Variants in CCSER2 observed in about 807,000 individuals in gnomAD.
CCSER2 encodes the protein serine-rich coiled-coil domain-containing protein 2.
Under a neutral mutation model 92.3 loss-of-function variants are expected in CCSER2, and 46 were observed. The observed-to-expected ratio is 0.50, with a 90% CI of 0.39 to 0.64. CCSER2 has a LOEUF of 0.64. Among genes scored for constraint, CCSER2 ranks in the 30% least tolerant of loss-of-function variants. The pLI is 0.00. For synonymous variants in CCSER2, 433 were observed against 431.4 expected, an observed-to-expected ratio of 1.00 and a Z score of -0.04; for missense variants, 1,244 against 1,238.9, an observed-to-expected ratio of 1.00 and a Z score of -0.06.
At chr10:84,344,158 T>C (rs1194209029) in intron 1 of CCSER2, among the ~76,000 whole-genome samples, 5 of 152,224 alleles carry the variant, frequency 3.3e-5, no homozygotes, top group Admixed American at 3.3e-4. Flanking sequence ...AAGAGCCCTT[T>C]AGTCTCTTGA....
chr10:84,455,583 C>CT (rs1845569047), intron 6 of CCSER2: 2 of 494,942 alleles, frequency 4.0e-6, no homozygotes, highest in Non-Finnish European at 7.7e-6. Context: ...GCCTTTTCCA[C>CT]TTTCTTTCTG....
intron 3 of CCSER2, among the ~76,000 whole-genome samples, chr10:84,388,269 T>C (rs1841335790): frequency 6.6e-6 from 1 of 152,236 alleles, no homozygotes; most frequent in African/African-American, 2.4e-5. Context: ...TTAGATTCTA[T>C]TGCTTTGGGT....
intron 2 of CCSER2, among the ~76,000 whole-genome samples, 176 bp downstream of exon 2, chr10:84,372,645 A>G (rs1170164865): frequency 1.3e-5 from 2 of 151,920 alleles, no homozygotes; most frequent in Non-Finnish European, 2.9e-5. Flanking sequence ...TCCATACCCC[A>G]TTTTTCACCC....
intron 7 of CCSER2, among the ~76,000 whole-genome samples, 189 bp downstream of exon 7, chr10:84,464,205 A>T (rs1322158715): frequency 2.6e-5 from 4 of 152,186 alleles, no homozygotes; most frequent in Non-Finnish European, 4.4e-5. Context: ...TCAGTTGGAT[A>T]ATGATCTGTC....
At chr10:84,484,174 C>T (rs1402633978) in intron 9 of CCSER2, among the ~76,000 whole-genome samples, 1 of 151,270 alleles carries the variant, frequency 6.6e-6, no homozygotes, top group African/African-American at 2.4e-5. Flanking sequence ...GACGGGGTTT[C>T]ACCGCGTTAG....
At chr10:84,420,406 C>T (rs979073402) in intron 4 of CCSER2, among the ~76,000 whole-genome samples, 22 of 152,166 alleles carry the variant, frequency 1.4e-4, no homozygotes, top group African/African-American at 5.1e-4. Context: ...CCTCCTGAGG[C>T]ACCAAAGATA....
chr10:84,390,619 A>G (rs1023387958), intron 3 of CCSER2, among the ~76,000 whole-genome samples: 10 of 152,198 alleles, frequency 6.6e-5, no homozygotes, highest in Admixed American at 4.6e-4. Context: ...TATAATCTGA[A>G]GGGACCAGTT....
At chr10:84,374,036 T>C in intron 3 of CCSER2, 2 of 1,021,846 alleles carry the variant, frequency 2.0e-6, no homozygotes, top group South Asian at 1.8e-5. Context: ...TGTTTACATA[T>C]ATATTCCTCA....
chr10:84,475,123 T>G (rs1847060672), intron 8 of CCSER2, among the ~76,000 whole-genome samples: 1 of 152,200 alleles, frequency 6.6e-6, no homozygotes, highest in Non-Finnish European at 1.5e-5. Flanking sequence ...AACAAACCCT[T>G]TCTCAGATAC....
intron 3 of CCSER2, among the ~76,000 whole-genome samples, chr10:84,380,936 C>T (rs1840873289): frequency 6.6e-6 from 1 of 152,192 alleles, no homozygotes; most frequent in African/African-American, 2.4e-5. Context: ...ACCTCGTGAT[C>T]TGCCCACCTC....
At chr10:84,391,446 T>G in intron 3 of CCSER2, 2 of 1,559,182 alleles carry the variant, frequency 1.3e-6, no homozygotes, top group Non-Finnish European at 1.8e-6. Flanking sequence ...TTTGCCCTGT[T>G]AGGTGACCTC....
Position 84,372,249 on chromosome 10 carries a change from G to C in CCSER2, c.1197G>C (p.Leu399Phe). Residue 399 changes from leucine to phenylalanine, a missense_variant, in exon 2 of 10, where the codon TTG becomes TTC. Physicochemically the swap from Leu to Phe is conservative, Grantham distance 22. Coordinates refer to ENST00000372088, the MANE Select transcript of CCSER2 (RefSeq NM_001284240.2). ...GTGATGATGTGGATGACATTTCCTTGTCGTCTTTGTCATCTTCTGATAAGA... is the reference window on the plus strand; with the variant it reads ...GTGATGATGTGGATGACATTTCCTTCTCGTCTTTGTCATCTTCTGATAAGA... Reference protein sequence around the residue: ...YLSDDVDDISLSSLSSSDKND... With the variant: ...YLSDDVDDISFSSLSSSDKND... The C allele has an allele frequency of 6.2e-7, 1 of 1,613,036 alleles. No homozygotes were observed. The highest frequency in any genetic ancestry group is 8.5e-7 in the Non-Finnish European group (1 of 1,179,232).
intron 9 of CCSER2, among the ~76,000 whole-genome samples, chr10:84,507,531 A>C (rs968440047): frequency 6.6e-6 from 1 of 152,218 alleles, no homozygotes; most frequent in Non-Finnish European, 1.5e-5. Context: ...CCAGGAAAAA[A>C]ATTAGCTAAA....
At chr10:84,377,330 A>G (rs936513573) in intron 3 of CCSER2, among the ~76,000 whole-genome samples, 3 of 151,998 alleles carry the variant, frequency 2.0e-5, no homozygotes, top group African/African-American at 7.2e-5. Context: ...TTAACCTTTT[A>G]CCTGTAGGTC....
intron 1 of CCSER2, among the ~76,000 whole-genome samples, chr10:84,355,723 TC>T (rs1845132147): frequency 6.6e-6 from 1 of 152,260 alleles, no homozygotes; most frequent in African/African-American, 2.4e-5. Context: ...AAGCATTTCT[TC>T]CTTTACCAGA....
At chr10:84,506,288 A>G (rs958162152) in intron 9 of CCSER2, among the ~76,000 whole-genome samples, 1 of 152,222 alleles carries the variant, frequency 6.6e-6, no homozygotes. Context: ...ATTTTGAGAT[A>G]CAGAGGAATA....
chr10:84,436,985 A>G (rs1229496186), intron 5 of CCSER2, among the ~76,000 whole-genome samples: 1 of 152,210 alleles, frequency 6.6e-6, no homozygotes, highest in Non-Finnish European at 1.5e-5. Context: ...CATTTAATGC[A>G]TTATGAATTT....
intron 5 of CCSER2, among the ~76,000 whole-genome samples, chr10:84,430,979 G>A (rs540217320): frequency 6.6e-6 from 1 of 151,918 alleles, no homozygotes; most frequent in South Asian, 2.1e-4. Flanking sequence ...TTATTTTTTA[G>A]AGCAGCTTTG....
At chr10:84,461,676 C>T (rs1325845189) in intron 6 of CCSER2, among the ~76,000 whole-genome samples, 1 of 150,540 alleles carries the variant, frequency 6.6e-6, no homozygotes, top group Non-Finnish European at 1.5e-5. Flanking sequence ...TTTTTTTTCC[C>T]CCTGAGATTT....
Sources: gnomAD v4.1 joint callset for allele counts (sites outside exome capture counted in the v4.1 genomes callset) on GRCh38, gnomAD v4.1.1 for gene constraint, MANE v1.5 for transcripts, NCBI Gene and HGNC (gene_info 2026-07-23, HGNC 2026-07-21) for gene names.